The following CDH12 variants were observed in gnomAD, a reference collection of about 807,000 sequenced individuals.
CDH12 encodes cadherin-12.
Under a neutral mutation model 74.1 loss-of-function variants are expected in CDH12, and 41 were observed. The ratio of observed to expected loss-of-function variants is 0.55; its 90% CI spans 0.43 to 0.72. The LOEUF (loss-of-function observed/expected upper bound fraction) is 0.72, where lower values mean the gene tolerates loss of function less well. Ranked by LOEUF, CDH12 falls within the 30% of genes least tolerant of loss-of-function variation. The pLI, the probability that CDH12 is intolerant of heterozygous loss-of-function variation, is 0.00. For synonymous variants in CDH12, 399 were observed against 355.0 expected (o/e 1.12, Z -1.39); for missense variants, 945 against 977.2 (o/e 0.97, Z 0.44).
At chr5:22,294,218 A>C (rs1009563671) in intron 3 of CDH12, among the ~76,000 whole-genome samples, 1 of 152,222 alleles carries the variant, frequency 6.6e-6, no homozygotes, top group African/African-American at 2.4e-5. Context: ...TGATAGAGCA[A>C]GGACTGATGA....
chr5:22,142,994 C>T (rs1303931348), intron 4 of CDH12: 5 of 222,606 alleles, frequency 2.2e-5, no homozygotes, highest in Admixed American at 8.4e-5. Context: ...CATAATGTTA[C>T]TGTAACTTGG....
intron 1 of CDH12, among the ~76,000 whole-genome samples, chr5:22,813,445 C>A (rs995687122): frequency 6.6e-6 from 1 of 152,088 alleles, no homozygotes; most frequent in Admixed American, 6.5e-5. Context: ...CTTACTTTTT[C>A]ATCTCTGTGG....
At chr5:22,641,049 A>G (rs1561545969) in intron 1 of CDH12, among the ~76,000 whole-genome samples, 1 of 152,188 alleles carries the variant, frequency 6.6e-6, no homozygotes, top group Non-Finnish European at 1.5e-5. Flanking sequence ...AGAGAGATTG[A>G]CCAATACGAT....
Position 22,078,514 on chromosome 5 carries a change from C to T in CDH12, c.163G>A (p.Gly55Ser), listed in dbSNP as rs147912407. Residue 55 changes from glycine (G) to serine (S), a missense_variant, in exon 5 of 15, where the codon GGC (glycine) becomes AGC (serine). Gly to Ser is a moderately conservative substitution (Grantham distance 56). Coordinates refer to ENST00000382254, the MANE Select transcript of CDH12 (RefSeq NM_004061.5). ...ACAAAAAATTGATTCCATACCCAGCCACGTTTAACACGTTGGAAATGTGAC... is the reference window on the plus strand; with the variant it reads ...ACAAAAAATTGATTCCATACCCAGCTACGTTTAACACGTTGGAAATGTGAC... ...QRSHFQRVKR[G>S]WVWNQFFVLE... 1.2e-6 allele frequency: 2 copies of T among 1,613,816 alleles called. No homozygotes were observed. The highest frequency in any genetic ancestry group is 2.7e-5 in the African/African-American group (2 of 74,886).
At chr5:22,051,767 G>A (rs769197014) in intron 5 of CDH12, among the ~76,000 whole-genome samples, 4 of 151,682 alleles carry the variant, frequency 2.6e-5, no homozygotes, top group Admixed American at 2.6e-4. Flanking sequence ...CTGTACTTGC[G>A]AAGCTTAATC....
intron 4 of CDH12, among the ~76,000 whole-genome samples, chr5:22,207,159 C>T (rs1170395849): frequency 1.4e-5 from 2 of 139,422 alleles, no homozygotes; most frequent in African/African-American, 5.5e-5. Context: ...GCAGAGCTTG[C>T]AGTGAGCTGA....
At chr5:21,912,241 A>G (rs1179956861) in intron 6 of CDH12, among the ~76,000 whole-genome samples, 1 of 152,178 alleles carries the variant, frequency 6.6e-6, no homozygotes, top group East Asian at 1.9e-4. Context: ...AACCAGAAAC[A>G]TAGTGTGCTT....
intron 1 of CDH12, among the ~76,000 whole-genome samples, chr5:22,830,210 A>G (rs1266113989): frequency 2.6e-5 from 4 of 152,162 alleles, no homozygotes; most frequent in Admixed American, 2.6e-4. Context: ...CAAAATTTTC[A>G]TCTATTCTAA....
intron 1 of CDH12, among the ~76,000 whole-genome samples, chr5:22,674,656 G>C (rs940821374): frequency 1.2e-4 from 19 of 152,188 alleles, no homozygotes; most frequent in Admixed American, 2.6e-4. Context: ...GAACTCCCTA[G>C]AGACTTGTTG....
chr5:22,173,618 T>G (rs919104536), intron 4 of CDH12, among the ~76,000 whole-genome samples: 1 of 151,554 alleles, frequency 6.6e-6, no homozygotes, highest in African/African-American at 2.4e-5. Flanking sequence ...AACTCTTCCT[T>G]TCTATGAGAT....
intron 3 of CDH12, among the ~76,000 whole-genome samples, chr5:22,261,782 G>GCCA (rs796520314): frequency 1.6e-4 from 7 of 43,784 alleles, no homozygotes; most frequent in African/African-American, 5.1e-4. Context: ...AGGAGAGAAA[G>GCCA]AAAGCCAAAA....
At chr5:21,984,666 C>T (rs945498945) in intron 5 of CDH12, among the ~76,000 whole-genome samples, 2 of 152,182 alleles carry the variant, frequency 1.3e-5, no homozygotes, top group East Asian at 1.9e-4. Context: ...TTATAAATTA[C>T]TGATGCTTTC....
chr5:22,249,191 A>G (rs1003321851), intron 3 of CDH12, among the ~76,000 whole-genome samples: 1 of 152,196 alleles, frequency 6.6e-6, no homozygotes, highest in African/African-American at 2.4e-5. Flanking sequence ...AATTAATTTT[A>G]AATTCATAGA....
intron 3 of CDH12, among the ~76,000 whole-genome samples, chr5:22,359,470 C>T (rs1433492454): frequency 6.6e-6 from 1 of 152,104 alleles, no homozygotes; most frequent in African/African-American, 2.4e-5. Context: ...GACTCCCACA[C>T]AATAATAATG....
At chr5:21,929,057 T>A (rs797007632) in intron 6 of CDH12, among the ~76,000 whole-genome samples, 1 of 151,858 alleles carries the variant, frequency 6.6e-6, no homozygotes, top group African/African-American at 2.4e-5. Flanking sequence ...AGATTTATGG[T>A]AATGAGAATA....
At chr5:22,817,415 C>T (rs986464743) in intron 1 of CDH12, among the ~76,000 whole-genome samples, 6 of 152,026 alleles carry the variant, frequency 3.9e-5, no homozygotes, top group African/African-American at 1.4e-4. Flanking sequence ...ATTTGACTTA[C>T]AAATATTTAA....
intron 10 of CDH12, among the ~76,000 whole-genome samples, 178 bp from the exon 11 acceptor site, chr5:21,783,672 T>G (rs546435391): frequency 6.6e-6 from 1 of 152,222 alleles, no homozygotes; most frequent in East Asian, 1.9e-4. Flanking sequence ...AAGGGGAAAC[T>G]GGAAATAATA....
chr5:22,012,012 T>C (rs1021355180), intron 5 of CDH12, among the ~76,000 whole-genome samples: 9 of 152,238 alleles, frequency 5.9e-5, no homozygotes, highest in South Asian at 2.1e-4. Context: ...CTCTGTATTA[T>C]TGAAGTGCAG....
At chr5:22,763,931 TA>T (rs1293526730) in intron 1 of CDH12, among the ~76,000 whole-genome samples, 1 of 151,946 alleles carries the variant, frequency 6.6e-6, no homozygotes, top group Admixed American at 6.6e-5. Flanking sequence ...AGTAATTGGC[TA>T]AAGTATAAAA....
Sources: allele counts gnomAD v4.1 joint callset (sites outside exome capture counted in the v4.1 genomes callset), GRCh38; gene constraint gnomAD v4.1.1; transcripts MANE v1.5; gene names NCBI Gene and HGNC (gene_info 2026-07-23, HGNC 2026-07-21).